Variants in HNRNPM observed in about 807,000 individuals in gnomAD.
HNRNPM encodes heterogeneous nuclear ribonucleoprotein M, also known as CEA receptor.
A neutral mutation model predicts 73.1 loss-of-function variants in HNRNPM; 11 were observed. The observed-to-expected ratio is 0.15, with a 90% CI of 0.09 to 0.25. HNRNPM has a LOEUF of 0.25. Ranked by LOEUF, HNRNPM falls within the 10% of genes least tolerant of loss-of-function variation. The pLI, the probability that HNRNPM is intolerant of heterozygous loss-of-function variation, is 1.00. For synonymous variants in HNRNPM, 407 were observed against 355.2 expected (o/e 1.15, Z -1.64); for missense variants, 789 against 1,067.9 (o/e 0.74, Z 3.64).
intron 12 of HNRNPM, among the ~76,000 whole-genome samples, chr19:8,475,526 G>T (rs1330104328): frequency 6.6e-6 from 1 of 152,188 alleles, no homozygotes; most frequent in Non-Finnish European, 1.5e-5. Flanking sequence ...TTGAAAGGCG[G>T]CTGTCCCTGA....
Position 8,489,056 on chromosome 19 carries a change from G to C in HNRNPM, c.*202G>C. On this transcript the variant is annotated 3_prime_UTR_variant, in exon 16 of 16. Coordinates refer to ENST00000325495, the MANE Select transcript of HNRNPM (RefSeq NM_005968.5). ...TGCAATGTGCGCAATTTTTTTTGTA[G>C]TTGTGGCATCTTGTTGACATCGAAT... The C allele has an allele frequency of 1.9e-6, 1 of 523,422 alleles. No homozygotes were observed. Among genetic ancestry groups the C allele is most frequent in the African/African-American group, 1.9e-5 (1 of 52,684 alleles). The allele number at this position is 523,422 out of a possible 1,614,324, so 32.4% of individuals were successfully genotyped here. A position where few individuals can be genotyped will look rare whatever the true frequency, so the allele number is the denominator to read the frequency against.
chr19:8,451,636 CAG>C (rs1228165272), intron 1 of HNRNPM, among the ~76,000 whole-genome samples: 1 of 152,096 alleles, frequency 6.6e-6, no homozygotes, highest in African/African-American at 2.4e-5. Flanking sequence ...CTCCTGGAGC[CAG>C]ACTGTCTTCT....
chr19:8,459,055 G>T (rs1280886922), intron 2 of HNRNPM, among the ~76,000 whole-genome samples: 1 of 152,090 alleles, frequency 6.6e-6, no homozygotes, highest in Non-Finnish European at 1.5e-5. Context: ...AGCCTCCCAA[G>T]TAGCCGGGAT....
chr19:8,447,554 A>G (rs1462480233), intron 1 of HNRNPM, among the ~76,000 whole-genome samples: 1 of 152,020 alleles, frequency 6.6e-6, no homozygotes, highest in Non-Finnish European at 1.5e-5. Context: ...GGAAGAGAGT[A>G]TCCAAAGAGC....
intron 1 of HNRNPM, among the ~76,000 whole-genome samples, chr19:8,448,123 T>C (rs1372709278): frequency 2.6e-5 from 4 of 152,212 alleles, no homozygotes; most frequent in African/African-American, 9.6e-5. Flanking sequence ...GATTTTTATC[T>C]TGAAAGCCTT....
At chr19:8,445,500 C>T (rs1343770323) in intron 1 of HNRNPM, 3 of 165,462 alleles carry the variant, frequency 1.8e-5, no homozygotes, top group East Asian at 3.3e-4. Context: ...CCCCTCTCCT[C>T]CCGGGGTCTG....
intron 2 of HNRNPM, among the ~76,000 whole-genome samples, chr19:8,459,265 T>C (rs8110560): frequency 0.04 from 6,115 of 152,294 alleles, 274 homozygotes; most frequent in African/African-American, 0.11. Flanking sequence ...TATGTATGAA[T>C]ACTTAGGTTG....
At chr19:8,451,554 C>T (rs1049650048) in intron 1 of HNRNPM, among the ~76,000 whole-genome samples, 5 of 151,752 alleles carry the variant, frequency 3.3e-5, no homozygotes, top group Non-Finnish European at 5.9e-5. Flanking sequence ...CTTCCCTTGC[C>T]GAGACAGGGT....
intron 12 of HNRNPM, among the ~76,000 whole-genome samples, chr19:8,476,952 T>G (rs1970552650): frequency 7.7e-6 from 1 of 129,478 alleles, no homozygotes; most frequent in Admixed American, 9.7e-5. Flanking sequence ...TGCTGACCCA[T>G]GAGGTCACTT....
intron 12 of HNRNPM, among the ~76,000 whole-genome samples, chr19:8,481,967 CTTTTTTTTTT>C (rs35179733): frequency 4.3e-5 from 5 of 117,326 alleles, no homozygotes; most frequent in East Asian, 5.0e-4. Context: ...TGTTTGGTGT[CTTTTTTTTTT>C]TTTTTTTTTT....
At chr19:8,468,356 A>T (rs1179636153) in intron 8 of HNRNPM, among the ~76,000 whole-genome samples, 1 of 152,242 alleles carries the variant, frequency 6.6e-6, no homozygotes, top group African/African-American at 2.4e-5. Flanking sequence ...TAATTACTAC[A>T]GGCATGACTG....
Position 8,468,856 on chromosome 19 carries a change from G to A in HNRNPM, c.895+22G>A, listed in dbSNP as rs761421366. 1.9e-6 allele frequency: 3 copies of A among 1,590,390 alleles called. 1 individual carries two copies. In the South Asian group the frequency reaches 3.3e-5, roughly 18 times the overall value. On this transcript the variant is annotated intron_variant, in intron 9 of 15. Coordinates refer to ENST00000325495, the MANE Select transcript of HNRNPM (RefSeq NM_005968.5). ...CCCCGTAAGTGTTTCAGTGATTAGG[G>A]CTGAGAGTTTGAATTGGAGTTACAC...
intron 10 of HNRNPM, 22 bp downstream of exon 10, chr19:8,471,449 G>C: frequency 6.9e-7 from 1 of 1,452,514 alleles, no homozygotes; most frequent in African/African-American, 1.4e-5. Context: ...AGTGCACCTT[G>C]CTTGGTGGTT....
At position 8,462,770 on chromosome 19, in the gene HNRNPM, TG is replaced by T. The variant is rs754670853; in HGVS notation, c.336+191del. Among the ~76,000 whole-genome samples, 28 of 152,216 alleles carry T rather than the reference TG, an allele frequency of 1.8e-4. No individual in the cohort carries two copies. The highest frequency in any genetic ancestry group is 3.5e-4 in the Non-Finnish European group (24 of 68,042). On this transcript the variant is annotated intron_variant, in intron 3 of 15. Transcript: ENST00000325495. This position sits in a 1 kb window ranked among gnomAD's most constrained non-coding sequence, Gnocchi z 4.5. ...TGGGAGTCCCGCTTTTCCAAATGGC[TG>T]GCCAAAGAGCTTTTTGGTATTCTGT...
intron 2 of HNRNPM, among the ~76,000 whole-genome samples, chr19:8,461,639 G>GT (rs1265766254): frequency 3.9e-5 from 6 of 152,160 alleles, no homozygotes; most frequent in South Asian, 4.2e-4. Context: ...AAATGCTTTG[G>GT]TTTTTTCCCT....
chr19:8,477,061 A>G (rs1031330332), intron 12 of HNRNPM, among the ~76,000 whole-genome samples: 1 of 152,112 alleles, frequency 6.6e-6, no homozygotes, highest in Non-Finnish European at 1.5e-5. Context: ...GGAATTGCTT[A>G]TTTTATTGAA....
intron 5 of HNRNPM, among the ~76,000 whole-genome samples, chr19:8,465,072 CTTT>C (rs1568275091): frequency 1.3e-5 from 2 of 152,140 alleles, no homozygotes; most frequent in African/African-American, 4.8e-5. Context: ...CCCTGCTTTT[CTTT>C]TTTACTTAGT....
At chr19:8,470,075 T>TCTTGTGCTGGAGCAGGAGGAGGAGCA (rs1970024505) in intron 9 of HNRNPM, among the ~76,000 whole-genome samples, 1 of 152,202 alleles carries the variant, frequency 6.6e-6, no homozygotes, top group South Asian at 2.1e-4. Context: ...TCTTGTTGAC[T>TCTTGTGCTGGAGCAGGAGGAGGAGCA]CTTGTGCTGG....
intron 2 of HNRNPM, among the ~76,000 whole-genome samples, chr19:8,461,418 C>T (rs1218127723): frequency 1.3e-5 from 2 of 152,184 alleles, no homozygotes; most frequent in African/African-American, 2.4e-5. Context: ...TAAACCAAAC[C>T]GATCCAGAGG....
Sources: allele counts gnomAD v4.1 joint callset (sites outside exome capture counted in the v4.1 genomes callset), GRCh38; gene constraint gnomAD v4.1.1; non-coding constraint Gnocchi (gnomAD v3.1); transcripts MANE v1.5; gene names NCBI Gene and HGNC (gene_info 2026-07-23, HGNC 2026-07-21).